AMBRA1: variants seen among roughly 807,000 people sequenced by gnomAD.
AMBRA1 encodes the protein autophagy and beclin 1 regulator 1, also known as activating molecule in BECN1-regulated autophagy protein 1.
Under a neutral mutation model 125.4 loss-of-function variants are expected in AMBRA1, and 47 were observed. That is an observed-to-expected ratio of 0.37 (90% CI 0.30 to 0.48). AMBRA1 has a LOEUF of 0.48. AMBRA1 is among the 20% of genes least tolerant of loss of function. The pLI is 0.99. For missense variants in AMBRA1, 1,331 were observed against 1,693.4 expected (o/e 0.79, Z 3.76); for synonymous variants, 626 against 655.5 (o/e 0.95, Z 0.69).
chr11:46,496,424 A>C (rs1252419304), intron 9 of AMBRA1, among the ~76,000 whole-genome samples: 5 of 152,296 alleles, frequency 3.3e-5, no homozygotes. Flanking sequence ...GCTAGAAAAG[A>C]AGCATCATGG....
rs397847968 is a variant in AMBRA1 at position 46,460,324 on chromosome 11, C to CT, written c.2522-16727dup. Among the ~76,000 whole-genome samples, 827 of 139,870 alleles carry CT rather than the reference C, an allele frequency of 5.9e-3. 3 individuals carry two copies. Among genetic ancestry groups the CT allele is most frequent in the Middle Eastern group, 0.022 (6 of 272 alleles). 91.8% of individuals were successfully genotyped at this position (139,870 alleles called of 152,430 possible). A position where few individuals can be genotyped will look rare whatever the true frequency, so the allele number is the denominator to read the frequency against. ...CGACCCCATTTATATAAACACAACT[C>CT]TTTTTTTTTTTTTTTGAGACGGAGT... On this transcript the variant is annotated intron_variant, in intron 11 of 17. Transcript: ENST00000683756.
At chr11:46,573,973 T>C (rs1392826160) in intron 1 of AMBRA1, among the ~76,000 whole-genome samples, 1 of 144,104 alleles carries the variant, frequency 6.9e-6, no homozygotes, top group Non-Finnish European at 1.5e-5. Context: ...ATTTCATCCA[T>C]GTCCCTACAA....
intron 1 of AMBRA1, among the ~76,000 whole-genome samples, chr11:46,579,316 G>T (rs1418316049): frequency 1.3e-5 from 2 of 152,076 alleles, no homozygotes; most frequent in African/African-American, 4.8e-5. Context: ...AATTAGCCGT[G>T]TGTGGTGGTG....
chr11:46,487,024 G>A (rs1337461533), intron 11 of AMBRA1, among the ~76,000 whole-genome samples: 1 of 151,926 alleles, frequency 6.6e-6, no homozygotes, highest in Non-Finnish European at 1.5e-5. Context: ...TTGTGGGGCT[G>A]AGTGGGGCAG....
chr11:46,587,940 G>A (rs1211139684), intron 1 of AMBRA1, among the ~76,000 whole-genome samples: 4 of 152,030 alleles, frequency 2.6e-5, no homozygotes, highest in African/African-American at 7.3e-5. Context: ...AAAAAAACAC[G>A]GTACCAAAAC....
At chr11:46,443,457 C>G (rs770671778) in intron 12 of AMBRA1, 31 bp downstream of exon 12, 1 of 1,565,776 alleles carries the variant, frequency 6.4e-7, no homozygotes, top group East Asian at 2.2e-5. Flanking sequence ...TATAACCCTT[C>G]CACTGATACC....
chr11:46,559,003 T>C (rs1325210691), intron 1 of AMBRA1, among the ~76,000 whole-genome samples: 2 of 152,060 alleles, frequency 1.3e-5, no homozygotes, highest in East Asian at 3.9e-4. Context: ...TCAAATACCT[T>C]AAAAAGAAAA....
intron 12 of AMBRA1, among the ~76,000 whole-genome samples, chr11:46,437,766 G>C (rs1397277302): frequency 6.6e-6 from 1 of 152,074 alleles, no homozygotes. Context: ...ATGTACTAAT[G>C]ACAAAGAACA....
chr11:46,474,648 A>C (rs538729808), intron 11 of AMBRA1, among the ~76,000 whole-genome samples: 1 of 152,170 alleles, frequency 6.6e-6, no homozygotes, highest in Admixed American at 6.5e-5. Flanking sequence ...TCGGCCTCCC[A>C]AAGTGCTGGG....
chr11:46,473,374 T>C (rs1198859254), intron 11 of AMBRA1, among the ~76,000 whole-genome samples: 1 of 152,198 alleles, frequency 6.6e-6, no homozygotes, highest in African/African-American at 2.4e-5. Context: ...CCAGGAACTT[T>C]AGGTGTGTTT....
chr11:46,545,587 T>C lies in AMBRA1; in HGVS notation c.551+17A>G, dbSNP rs757916629. 2.1e-5 allele frequency: 34 copies of C among 1,611,528 alleles called. No individual in the cohort carries two copies. The highest frequency in any genetic ancestry group is 2.8e-5 in the Non-Finnish European group (33 of 1,178,812). On this transcript the variant is annotated intron_variant, in intron 5 of 17. Transcript: ENST00000683756. ...TCAGTCCTGTGCCAGACAATGCAGA[T>C]GGGGCAGCGCACTCACCGGACCCGT... is the stretch of plus-strand genomic sequence containing the variant.
At chr11:46,580,529 A>T (rs2044132922) in intron 1 of AMBRA1, among the ~76,000 whole-genome samples, 1 of 152,122 alleles carries the variant, frequency 6.6e-6, no homozygotes, top group Admixed American at 6.6e-5. Context: ...CACCACCTTC[A>T]TCTACCCAGA....
intron 12 of AMBRA1, among the ~76,000 whole-genome samples, chr11:46,437,513 G>A (rs1947783435): frequency 6.6e-6 from 1 of 152,192 alleles, no homozygotes; most frequent in South Asian, 2.1e-4. Flanking sequence ...GGGATGTGGT[G>A]GCATAGAGTG....
chr11:46,584,030 C>T (rs1454913937), intron 1 of AMBRA1, among the ~76,000 whole-genome samples: 1 of 146,420 alleles, frequency 6.8e-6, no homozygotes, highest in Non-Finnish European at 1.5e-5. Context: ...TGGGTATATA[C>T]CCAAAGGACT....
intron 17 of AMBRA1, 112 bp downstream of exon 17, chr11:46,408,401 C>T: frequency 2.5e-6 from 3 of 1,182,430 alleles, no homozygotes; most frequent in Non-Finnish European, 3.3e-6. Context: ...CTTAATGCCA[C>T]CAGGTGGGCA....
chr11:46,397,424 G>A lies in AMBRA1; in HGVS notation c.*26C>T. ...TCCGGTTTCTGCTTGGCGGTTCGAG[G>A]GGAGGCACCAGTGCAACGTTTGTCT... On this transcript the variant is annotated 3_prime_UTR_variant, in exon 18 of 18. Coordinates refer to ENST00000683756, the MANE Select transcript of AMBRA1 (RefSeq NM_001387011.1). 6.8e-7 allele frequency: 1 copy of A among 1,470,398 alleles called. No individual in the cohort carries two copies. Among genetic ancestry groups the A allele is most frequent in the Non-Finnish European group, 9.0e-7 (1 of 1,108,014 alleles). The allele number at this position is 1,470,398 out of a possible 1,614,324, so 91.1% of individuals were successfully genotyped here.
At chr11:46,535,785 A>C (rs1007846113) in intron 7 of AMBRA1, among the ~76,000 whole-genome samples, 13 of 152,306 alleles carry the variant, frequency 8.5e-5, no homozygotes, top group African/African-American at 3.1e-4. Context: ...GGGTACCAAA[A>C]AGATAAAAAA....
At chr11:46,418,214 T>C (rs1166356859) in intron 14 of AMBRA1, among the ~76,000 whole-genome samples, 162 bp from the exon 15 acceptor site, 4 of 145,710 alleles carry the variant, frequency 2.7e-5, no homozygotes, top group African/African-American at 1.0e-4. Context: ...TATCTATCTA[T>C]CTATTTTATT....
intron 7 of AMBRA1, among the ~76,000 whole-genome samples, chr11:46,533,465 G>A (rs529438210): frequency 6.6e-6 from 1 of 152,268 alleles, no homozygotes; most frequent in South Asian, 2.1e-4. Flanking sequence ...ACGCCTTCTT[G>A]TTTGGAGGTT....
Sources: gnomAD v4.1 joint callset for allele counts (sites outside exome capture counted in the v4.1 genomes callset) on GRCh38, gnomAD v4.1.1 for gene constraint, MANE v1.5 for transcripts, NCBI Gene and HGNC (gene_info 2026-07-23, HGNC 2026-07-21) for gene names.